Variants in EYS observed in about 807,000 individuals in gnomAD.
The protein encoded by EYS is protein eyes shut homolog.
Under a neutral mutation model 282.1 loss-of-function variants are expected in EYS, and 250 were observed. The ratio of observed to expected loss-of-function variants is 0.89; its 90% CI spans 0.80 to 0.98. EYS has a LOEUF of 0.98. Among genes scored for constraint, EYS ranks in the 50% least tolerant of loss-of-function variants. The pLI is 0.00. For synonymous variants in EYS, 1,355 were observed against 1,282.9 expected (o/e 1.06, Z -1.20); for missense variants, 4,016 against 3,709.0 (o/e 1.08, Z -2.15).
intron 28 of EYS, among the ~76,000 whole-genome samples, chr6:64,417,808 C>T (rs939275842): frequency 2.0e-5 from 3 of 151,482 alleles, no homozygotes; most frequent in African/African-American, 7.3e-5. Context: ...GTAGCTGGCA[C>T]TACAGGTGCA....
intron 1 of EYS, among the ~76,000 whole-genome samples, chr6:65,645,012 C>T (rs1381902569): frequency 6.6e-6 from 1 of 152,062 alleles, no homozygotes; most frequent in Non-Finnish European, 1.5e-5. Context: ...ACAAGGTATT[C>T]AGGCAACAAA....
chr6:64,395,660 C>A (rs1224657763), intron 28 of EYS, among the ~76,000 whole-genome samples: 2 of 151,336 alleles, frequency 1.3e-5, no homozygotes, highest in Non-Finnish European at 2.9e-5. Flanking sequence ...GGAGGGATAG[C>A]ATTGGCAGAT....
At position 65,318,047 on chromosome 6, in the gene EYS, T is replaced by G. The variant is rs1392827889; in HGVS notation, c.1766+16933A>C. ...CACGCCCAGCTAATTTTTTGTATTT[T>G]CAGTAGAGACGGGATTTCACCATGT... is the stretch of plus-strand genomic sequence containing the variant. On this transcript the variant is annotated intron_variant, in intron 11 of 42. Coordinates refer to ENST00000503581, the MANE Select transcript of EYS (RefSeq NM_001142800.2). Among the ~76,000 whole-genome samples, 5 of 151,378 alleles carry G rather than the reference T, an allele frequency of 3.3e-5. No individual in the cohort carries two copies. The South Asian group carries it at 6.3e-4, about 19-fold the overall frequency.
intron 34 of EYS, among the ~76,000 whole-genome samples, chr6:63,988,643 T>A (rs1435500935): frequency 6.6e-6 from 1 of 151,648 alleles, no homozygotes; most frequent in African/African-American, 2.4e-5. Context: ...ACATAAGTCT[T>A]TTCTAATAAT....
intron 30 of EYS, among the ~76,000 whole-genome samples, chr6:64,277,268 C>G (rs752678941): frequency 2.2e-4 from 33 of 152,224 alleles, no homozygotes; most frequent in Admixed American, 5.9e-4. Flanking sequence ...GTGTATTGAA[C>G]ACATCATCCT....
intron 12 of EYS, among the ~76,000 whole-genome samples, chr6:65,221,259 A>G (rs1265823428): frequency 6.6e-6 from 1 of 152,218 alleles, no homozygotes; most frequent in Admixed American, 6.5e-5. Flanking sequence ...ACAATGGGGA[A>G]AATGCCTTCA....
At chr6:64,801,419 A>G (rs1774549097) in intron 22 of EYS, among the ~76,000 whole-genome samples, 1 of 152,156 alleles carries the variant, frequency 6.6e-6, no homozygotes, top group Non-Finnish European at 1.5e-5. Flanking sequence ...CAAATAATAT[A>G]CTATACAGAT....
intron 31 of EYS, among the ~76,000 whole-genome samples, chr6:64,185,704 GA>G (rs368449570): frequency 7.7e-4 from 117 of 152,070 alleles, no homozygotes; most frequent in Middle Eastern, 3.4e-3. Context: ...CTTTTCCGTG[GA>G]AAAAAACTGT....
In EYS at chr6:64,963,236, G is replaced by A. The variant is rs181135163; in HGVS notation, c.2260-17322C>T. 4.6e-5 allele frequency among the ~76,000 whole-genome samples: 7 copies of A among 152,178 alleles called. 1 individual carries two copies. Among genetic ancestry groups the A allele is most frequent in the African/African-American group, 1.7e-4 (7 of 41,538 alleles). On this transcript the variant is annotated intron_variant, in intron 14 of 42. Transcript: ENST00000503581. ...CCAACACTCAATACTTTTGCAAATA[G>A]CAAAATATTAATTTACAAATTGGAT...
intron 31 of EYS, among the ~76,000 whole-genome samples, chr6:64,222,412 T>C (rs558796407): frequency 1.1e-4 from 16 of 152,200 alleles, no homozygotes; most frequent in South Asian, 8.3e-4. Flanking sequence ...AGTTTTTCCT[T>C]GTTGTTTTGC....
chr6:64,080,030 C>T (rs888629162), intron 32 of EYS, among the ~76,000 whole-genome samples: 5 of 152,254 alleles, frequency 3.3e-5, no homozygotes, highest in African/African-American at 1.2e-4. Flanking sequence ...AATAAATATA[C>T]GTGTTCATGT....
At chr6:65,191,576 A>T (rs1044457254) in intron 12 of EYS, among the ~76,000 whole-genome samples, 2 of 151,888 alleles carry the variant, frequency 1.3e-5, no homozygotes, top group African/African-American at 4.8e-5. Context: ...GCAAATTTAC[A>T]TGAGATGAAA....
intron 26 of EYS, among the ~76,000 whole-genome samples, chr6:64,569,623 C>T (rs1437635456): frequency 6.6e-6 from 1 of 152,034 alleles, no homozygotes; most frequent in East Asian, 2.0e-4. Context: ...AACCTGTGGT[C>T]CCAGCTACTC....
chr6:64,579,123 T>C (rs1366064873), intron 26 of EYS, among the ~76,000 whole-genome samples: 1 of 152,140 alleles, frequency 6.6e-6, no homozygotes, highest in Non-Finnish European at 1.5e-5. Context: ...CGAAAGAATG[T>C]GTCTCAGGTC....
At chr6:65,091,209 G>GGGTT (rs1450234368) in intron 12 of EYS, among the ~76,000 whole-genome samples, 1 of 148,786 alleles carries the variant, frequency 6.7e-6, no homozygotes, top group Non-Finnish European at 1.5e-5. Context: ...CGAGGTGGGT[G>GGGTT]GATCACCTGA....
intron 35 of EYS, among the ~76,000 whole-genome samples, chr6:63,932,583 ATGCCCACTGCTGCTTTGCTTTCCTAG>A (rs1477003949): frequency 6.6e-5 from 10 of 152,074 alleles, no homozygotes; most frequent in African/African-American, 2.4e-4. Context: ...TCTTCTCTCT[ATGCCCACTGCTGCTTTGCTTTCCTAG>A]TTCTGATTCT....
intron 12 of EYS, among the ~76,000 whole-genome samples, chr6:65,202,694 G>T (rs1273037425): frequency 6.6e-6 from 1 of 152,140 alleles, no homozygotes; most frequent in Non-Finnish European, 1.5e-5. Flanking sequence ...TGACAGCTGT[G>T]GTTTCTGCTG....
At chr6:64,165,568 G>A (rs1764264720) in intron 31 of EYS, among the ~76,000 whole-genome samples, 1 of 152,108 alleles carries the variant, frequency 6.6e-6, no homozygotes, top group Non-Finnish European at 1.5e-5. Flanking sequence ...ACGAAGCATA[G>A]ATTATGTCCT....
At chr6:64,105,642 T>C (rs1416951396) in intron 31 of EYS, among the ~76,000 whole-genome samples, 1 of 152,132 alleles carries the variant, frequency 6.6e-6, no homozygotes, top group Non-Finnish European at 1.5e-5. Flanking sequence ...TCTCTTTCAC[T>C]ATAGTTTTGC....
Sources: gnomAD v4.1 joint callset for allele counts (sites outside exome capture counted in the v4.1 genomes callset) on GRCh38, gnomAD v4.1.1 for gene constraint, MANE v1.5 for transcripts, NCBI Gene and HGNC (gene_info 2026-07-23, HGNC 2026-07-21) for gene names.